MATCAP2: variants seen among roughly 807,000 people sequenced by gnomAD.
MATCAP2 encodes the protein microtubule associated tyrosine carboxypeptidase 2.
the MATCAP2 span, among the ~76,000 whole-genome samples, chr7:36,336,493 T>C: frequency 6.6e-6 from 1 of 152,198 alleles, no homozygotes; most frequent in African/African-American, 2.4e-5. Flanking sequence ...CCTGTACACT[T>C]TAGCAATACG....
At chr7:36,367,073 G>C in the MATCAP2 span, 7 of 1,273,506 alleles carry the variant, frequency 5.5e-6, no homozygotes, top group Middle Eastern at 5.9e-4. Context: ...CCGCTACCTG[G>C]AGCAGGATAA....
At chr7:36,389,550 A>C in the MATCAP2 span, among the ~76,000 whole-genome samples, 1 of 152,194 alleles carries the variant, frequency 6.6e-6, no homozygotes, top group East Asian at 1.9e-4. Flanking sequence ...TTAGGAATGA[A>C]GGAAGGCGGG....
chr7:36,326,756 A>G, the MATCAP2 span: 2 of 1,609,316 alleles, frequency 1.2e-6, no homozygotes, highest in Non-Finnish European at 8.5e-7. Flanking sequence ...CAGAACGCTA[A>G]TTACTATATA....
the MATCAP2 span, among the ~76,000 whole-genome samples, chr7:36,367,623 T>G: frequency 3.3e-5 from 5 of 152,240 alleles, no homozygotes; most frequent in Admixed American, 3.3e-4. Context: ...GGAGGCTCAA[T>G]GACCACTTGA....
At chr7:36,349,105 T>C in the MATCAP2 span, among the ~76,000 whole-genome samples, 2 of 152,266 alleles carry the variant, frequency 1.3e-5, no homozygotes, top group African/African-American at 4.8e-5. Context: ...GACCTTGGTA[T>C]AAGGCCTTGC....
chr7:36,379,815 C>T, the MATCAP2 span, among the ~76,000 whole-genome samples: 2 of 35,148 alleles, frequency 5.7e-5, no homozygotes, highest in Non-Finnish European at 6.2e-5. Flanking sequence ...ATGGTAAGTA[C>T]ACACACACAC....
At chr7:36,332,963 CCT>C in the MATCAP2 span, among the ~76,000 whole-genome samples, 2,029 of 151,656 alleles carry the variant, frequency 0.013, 51 homozygotes, top group African/African-American at 0.046. Flanking sequence ...CTAGATTCTG[CCT>C]CTCTGGGCAG....
the MATCAP2 span, among the ~76,000 whole-genome samples, chr7:36,366,073 T>G: frequency 6.6e-6 from 1 of 152,230 alleles, no homozygotes; most frequent in African/African-American, 2.4e-5. Flanking sequence ...AATAGTCTGG[T>G]AGGTACTGCA....
At chr7:36,374,098 G>A in the MATCAP2 span, among the ~76,000 whole-genome samples, 1 of 151,908 alleles carries the variant, frequency 6.6e-6, no homozygotes, top group East Asian at 1.9e-4. Context: ...ATATGTTTTT[G>A]AGACACAGTC....
At chr7:36,387,787 A>G in the MATCAP2 span, among the ~76,000 whole-genome samples, 1 of 152,278 alleles carries the variant, frequency 6.6e-6, no homozygotes, top group South Asian at 2.1e-4. Context: ...GTTGAGGTAG[A>G]TACAAAGAAA....
chr7:36,362,892 G>A, the MATCAP2 span, among the ~76,000 whole-genome samples: 34 of 152,012 alleles, frequency 2.2e-4, no homozygotes, highest in Non-Finnish European at 4.4e-4. Flanking sequence ...TCTCTTCTTC[G>A]AAGTACTTTA....
chr7:36,365,391 C>G, the MATCAP2 span, among the ~76,000 whole-genome samples: 6 of 152,098 alleles, frequency 3.9e-5, no homozygotes, highest in African/African-American at 1.4e-4. Flanking sequence ...CAAGGAAGAA[C>G]TATCTTGTCC....
chr7:36,389,783 G>T, the MATCAP2 span: 5 of 636,638 alleles, frequency 7.9e-6, no homozygotes, highest in Non-Finnish European at 1.0e-5. Flanking sequence ...CAGGGGCGGG[G>T]AGAGGGCGCC....
At chr7:36,371,250 T>TAC in the MATCAP2 span, among the ~76,000 whole-genome samples, 1 of 152,144 alleles carries the variant, frequency 6.6e-6, no homozygotes, top group Non-Finnish European at 1.5e-5. Flanking sequence ...TAGCTGGGAC[T>TAC]ACAGGCATGT....
the MATCAP2 span, chr7:36,333,996 A>G: frequency 1.2e-6 from 2 of 1,613,938 alleles, no homozygotes; most frequent in Non-Finnish European, 1.7e-6. Context: ...AGTGTAGTAG[A>G]GGAGGGCAGC....
At chr7:36,340,491 T>C in the MATCAP2 span, among the ~76,000 whole-genome samples, 1 of 152,194 alleles carries the variant, frequency 6.6e-6, no homozygotes, top group Non-Finnish European at 1.5e-5. Context: ...GGCACCACCA[T>C]AGCGTCAACA....
chr7:36,372,319 G>T, the MATCAP2 span, among the ~76,000 whole-genome samples: 1 of 151,892 alleles, frequency 6.6e-6, no homozygotes, highest in East Asian at 1.9e-4. Context: ...ATTCATAAAA[G>T]AGGAGGAAAA....
At chr7:36,340,004 A>G in the MATCAP2 span, among the ~76,000 whole-genome samples, 1 of 152,176 alleles carries the variant, frequency 6.6e-6, no homozygotes, top group African/African-American at 2.4e-5. Context: ...CTGGGATTAC[A>G]GGCATCTGCC....
At chr7:36,350,384 A>AT in the MATCAP2 span, among the ~76,000 whole-genome samples, 2 of 152,198 alleles carry the variant, frequency 1.3e-5, no homozygotes, top group African/African-American at 4.8e-5. Flanking sequence ...AGAGGATCAC[A>AT]TTTAAGTCTT....
Sources: allele counts gnomAD v4.1 joint callset (sites outside exome capture counted in the v4.1 genomes callset), GRCh38; gene constraint gnomAD v4.1.1; transcripts MANE v1.5; gene names NCBI Gene and HGNC (gene_info 2026-07-23, HGNC 2026-07-21).